The following PRKCD variants were observed in gnomAD, a reference collection of about 807,000 sequenced individuals.
PRKCD encodes the protein protein kinase C delta.
PRKCD carries 20 observed loss-of-function variants against 82.2 expected under a neutral mutation model. That is an observed-to-expected ratio of 0.24 (90% CI 0.17 to 0.35). The LOEUF is 0.35. Among genes scored for constraint, PRKCD ranks in the 10% least tolerant of loss-of-function variants. PRKCD has a pLI of 1.00. For missense variants in PRKCD, 607 were observed against 899.0 expected (o/e 0.68, Z 4.15); for synonymous variants, 317 against 337.0 (o/e 0.94, Z 0.65).
At chr3:53,180,213 G>A (rs1553667083) in intron 4 of PRKCD, among the ~76,000 whole-genome samples, 1 of 148,100 alleles carries the variant, frequency 6.8e-6, no homozygotes, top group Non-Finnish European at 1.5e-5. Flanking sequence ...CTGCATGAAA[G>A]GGTGTGTCCC....
chr3:53,184,098 C>T lies in PRKCD; in HGVS notation c.787+517C>T, dbSNP rs188839624. Among the ~76,000 whole-genome samples, 210 of 152,000 alleles carry T rather than the reference C, an allele frequency of 1.4e-3. 8 individuals carry two copies. The East Asian group carries it at 0.029, about 21-fold the overall frequency. ...CTGTAATCCCAGCACTTTGGGAGGC[C>T]GAGGCGGGCGGATCATGAGGTTAGG... On this transcript the variant is annotated intron_variant, in intron 9 of 18. Coordinates refer to ENST00000330452, the MANE Select transcript of PRKCD (RefSeq NM_006254.4).
intron 2 of PRKCD, among the ~76,000 whole-genome samples, chr3:53,168,567 A>C (rs1702908370): frequency 6.6e-6 from 1 of 152,030 alleles, no homozygotes; most frequent in East Asian, 1.9e-4. Context: ...GGCTGTGCAC[A>C]CTTGAGCCAG....
intron 7 of PRKCD, 66 bp from the exon 8 acceptor site, chr3:53,183,055 C>G: frequency 2.6e-6 from 4 of 1,538,022 alleles, no homozygotes; most frequent in Non-Finnish European, 3.6e-6. Context: ...TCGGCAGGCA[C>G]CAGCTCATAG....
intron 2 of PRKCD, among the ~76,000 whole-genome samples, chr3:53,175,440 C>G (rs1703183209): frequency 6.6e-6 from 1 of 152,126 alleles, no homozygotes; most frequent in African/African-American, 2.4e-5. Flanking sequence ...TCATTATCCC[C>G]ACAACCCTGA....
At chr3:53,179,496 T>C in intron 3 of PRKCD, 81 bp from the exon 4 acceptor site, 6 of 1,572,646 alleles carry the variant, frequency 3.8e-6, no homozygotes, top group Non-Finnish European at 5.2e-6. Flanking sequence ...GGGCAGATTC[T>C]GCCAGGGGAA....
Position 53,192,360 on chromosome 3 carries a change from T to C in PRKCD, c.*94T>C, listed in dbSNP as rs1703956501. The C allele has an allele frequency of 2.0e-6, 3 of 1,480,210 alleles. No individual in the cohort carries two copies. The highest frequency in any genetic ancestry group is 2.8e-6 in the Non-Finnish European group (3 of 1,075,408). The allele number at this position is 1,480,210 out of a possible 1,614,324, so 91.7% of individuals were successfully genotyped here. A position where few individuals can be genotyped will look rare whatever the true frequency, so the allele number is the denominator to read the frequency against. Reference sequence around the variant, plus strand: ...GTGGGACTGTGGTGACTTCTGCTGCTGGCCCCGCCCCTGCCCCCAGAGCGT... The same window carrying C: ...GTGGGACTGTGGTGACTTCTGCTGCCGGCCCCGCCCCTGCCCCCAGAGCGT... On this transcript the variant is annotated 3_prime_UTR_variant, in exon 19 of 19. Coordinates refer to ENST00000330452, the MANE Select transcript of PRKCD (RefSeq NM_006254.4).
chr3:53,189,948 A>C lies in PRKCD; in HGVS notation c.1819A>C (p.Asn607His), dbSNP rs1553670472. The change falls in exon 18 of 19, where the codon AAC becomes CAC. Residue 607 changes from asparagine (N) to histidine (H), a missense_variant. Transcript: ENST00000330452. The part of the protein sequence containing the change: ...IKIHPFFKTI[N>H]WTLLEKRRLE... Reference sequence around the variant, plus strand: ...AATCCACCCCTTCTTCAAGACCATAAACTGGACTCTGCTGGAAAAGCGGAG... The same window carrying C: ...AATCCACCCCTTCTTCAAGACCATACACTGGACTCTGCTGGAAAAGCGGAG... 6.2e-7 allele frequency: 1 copy of C among 1,614,146 alleles called. No homozygotes were observed.
intron 2 of PRKCD, among the ~76,000 whole-genome samples, chr3:53,175,778 A>G (rs1703193764): frequency 6.6e-6 from 1 of 152,124 alleles, no homozygotes; most frequent in East Asian, 1.9e-4. Context: ...TAGGCCCTGG[A>G]TGTGTGGACA....
intron 7 of PRKCD, 158 bp downstream of exon 7, chr3:53,181,890 C>T (rs1416991440): frequency 9.0e-7 from 1 of 1,112,176 alleles, no homozygotes; most frequent in Non-Finnish European, 1.3e-6. Flanking sequence ...AGTGCTGGGG[C>T]TGGCTTGCTG....
In PRKCD at chr3:53,180,960, G is replaced by C. The variant is rs556889912; in HGVS notation, c.316-247G>C. ...GCTCTATTCCCCAGCTATGTGTCTGGGCTGGGTGTGGGCTGGACCCTTTCA... is the reference window on the plus strand; with the variant it reads ...GCTCTATTCCCCAGCTATGTGTCTGCGCTGGGTGTGGGCTGGACCCTTTCA... On this transcript the variant is annotated intron_variant, in intron 4 of 18. Transcript: ENST00000330452. Among the ~76,000 whole-genome samples, 50 of 152,190 alleles carry C rather than the reference G, an allele frequency of 3.3e-4. No individual in the cohort carries two copies. The South Asian group carries it at 0.01, about 31-fold the overall frequency.
In PRKCD at chr3:53,192,170, C is replaced by T. The variant is rs782373917; in HGVS notation, c.1935C>T (p.Ser645=). The T allele has an allele frequency of 1.9e-6, 3 of 1,614,102 alleles. No individual in the cohort carries two copies. The highest frequency in any genetic ancestry group is 8.5e-7 in the Non-Finnish European group (1 of 1,180,006). ...QEFLNEKARL[S]YSDKNLIDSM... ...TCCTGAACGAGAAGGCGCGCCTCTC[C>T]TACAGCGACAAGAACCTCATCGACT... Residue 645 remains serine, a synonymous_variant, in exon 19 of 19, where the codon TCC becomes TCT. Coordinates refer to ENST00000330452, the MANE Select transcript of PRKCD (RefSeq NM_006254.4).
At chr3:53,174,358 G>T (rs1241332915) in intron 2 of PRKCD, among the ~76,000 whole-genome samples, 1 of 152,220 alleles carries the variant, frequency 6.6e-6, no homozygotes, top group African/African-American at 2.4e-5. Context: ...GGCCTCAGCT[G>T]GCTCCAAGGA....
At chr3:53,173,397 C>G (rs1703105979) in intron 2 of PRKCD, 1 of 152,310 alleles carries the variant, frequency 6.6e-6, no homozygotes, top group Non-Finnish European at 1.5e-5. Flanking sequence ...CTTTCCTTAC[C>G]TCTGGGCTGC....
At chr3:53,189,771 G>A (rs1338104976) in intron 17 of PRKCD, 102 bp from the exon 18 acceptor site, 2 of 1,537,878 alleles carry the variant, frequency 1.3e-6, no homozygotes, top group Admixed American at 3.4e-5. Flanking sequence ...GACTGGGGCT[G>A]GGGCAAGCCT....
At chr3:53,162,595 G>A (rs1475640168) in intron 1 of PRKCD, among the ~76,000 whole-genome samples, 1 of 152,112 alleles carries the variant, frequency 6.6e-6, no homozygotes, top group Non-Finnish European at 1.5e-5. Flanking sequence ...TGTGTGACTT[G>A]CTTGTGTGTA....
intron 1 of PRKCD, among the ~76,000 whole-genome samples, chr3:53,164,551 C>G (rs1702773383): frequency 6.6e-6 from 1 of 151,998 alleles, no homozygotes; most frequent in Non-Finnish European, 1.5e-5. Context: ...CCATTGCACT[C>G]CAGCCTGGGC....
chr3:53,166,306 T>A (rs1292959433), intron 2 of PRKCD, among the ~76,000 whole-genome samples: 2 of 152,176 alleles, frequency 1.3e-5, no homozygotes, highest in African/African-American at 4.8e-5. Context: ...TTTGGCTGTC[T>A]AGGGGCCTCT....
intron 14 of PRKCD, 147 bp downstream of exon 14, chr3:53,186,842 TAG>T (rs1703715713): frequency 1.2e-6 from 1 of 832,486 alleles, no homozygotes; most frequent in African/African-American, 1.7e-5. Context: ...GATGTGGGGG[TAG>T]CCTGGGTCGG....
chr3:53,181,228 A>T lies in PRKCD; in HGVS notation c.337A>T (p.Lys113Ter). ...EFWLDLQPQA[K>*]VLMSVQYFLE... is the part of the protein sequence containing the mutation. ...ACAGCTGGACCTGCAGCCTCAGGCCAAGGTGTTGATGTCTGTTCAGTATTT... is the reference window on the plus strand; with the variant it reads ...ACAGCTGGACCTGCAGCCTCAGGCCTAGGTGTTGATGTCTGTTCAGTATTT... Residue 113 changes from lysine (K) to a stop codon, truncating the protein, a stop_gained, in exon 5 of 19, where the codon AAG becomes TAG. Coordinates refer to ENST00000330452, the MANE Select transcript of PRKCD (RefSeq NM_006254.4). LOFTEE classifies it high-confidence loss of function. The T allele has an allele frequency of 6.2e-7, 1 of 1,613,908 alleles. No individual in the cohort carries two copies. The highest frequency in any genetic ancestry group is 8.5e-7 in the Non-Finnish European group (1 of 1,179,878).
Sources: gnomAD v4.1 joint callset for allele counts (sites outside exome capture counted in the v4.1 genomes callset) on GRCh38, gnomAD v4.1.1 for gene constraint, MANE v1.5 for transcripts, NCBI Gene and HGNC (gene_info 2026-07-23, HGNC 2026-07-21) for gene names.